Variants in COL4A2 observed in about 807,000 individuals in gnomAD.
The protein encoded by COL4A2 is collagen type IV alpha 2 chain.
COL4A2 carries 99 observed loss-of-function variants against 200.2 expected under a neutral mutation model. That is an observed-to-expected ratio of 0.49 (90% CI 0.42 to 0.58). The LOEUF is 0.58. Ranked by LOEUF, COL4A2 falls within the 20% of genes least tolerant of loss-of-function variation. The pLI is 0.00. For synonymous variants in COL4A2, 897 were observed against 900.6 expected (o/e 1.00, Z 0.07); for missense variants, 1,950 against 2,314.1 (o/e 0.84, Z 3.23).
chr13:110,508,083 C>T lies in COL4A2; in HGVS notation c.4743C>T (p.Asp1581=), dbSNP rs756408223. The part of the protein sequence containing the change: ...APLPMMPVAE[D]EIKPYISRCS... ...TGCCCATGATGCCCGTGGCCGAGGA[C>T]GAGATCAAGCCCTACATCAGCCGCT... Residue 1581 remains aspartate, a synonymous_variant, in exon 47 of 48, where the codon GAC becomes GAT. Transcript: ENST00000360467. The surrounding 1 kb of genome is among the most constrained non-coding windows in gnomAD (Gnocchi z 6.1). 9.9e-6 allele frequency: 16 copies of T among 1,614,252 alleles called. No individual in the cohort carries two copies. The highest frequency in any genetic ancestry group is 6.7e-5 in the Admixed American group (4 of 60,032).
At position 110,512,096 on chromosome 13, in the gene COL4A2, C is replaced by G. The variant is rs374574952; in HGVS notation, c.5044C>G (p.Gln1682Glu). The change falls in exon 48 of 48, where the codon CAG becomes GAG. Residue 1682 changes from glutamine to glutamate, a missense_variant. Gln to Glu is a conservative substitution (Grantham distance 29). This residue lies in a region of COL4A2 where 1,385 missense variants were observed against 1,720.5 expected (regional missense o/e 0.80). Coordinates refer to ENST00000360467, the MANE Select transcript of COL4A2 (RefSeq NM_001846.4). The part of the protein sequence containing the change: ...YSFWLTTIPE[Q>E]SFQGSPSADT... ...CTTCTGGCTGACCACCATTCCCGAG[C>G]AGAGCTTCCAGGGCTCGCCCTCCGC... The G allele has an allele frequency of 6.2e-7, 1 of 1,613,742 alleles. No individual in the cohort carries two copies. Among genetic ancestry groups the G allele is most frequent in the Non-Finnish European group, 8.5e-7 (1 of 1,180,048 alleles).
At position 110,379,874 on chromosome 13, in the gene COL4A2, A is replaced by G. The variant is rs117810330; in HGVS notation, c.180+22322A>G. Among the ~76,000 whole-genome samples the G allele has an allele frequency of 8.5e-3, 1,287 of 152,098 alleles. 14 individuals carry two copies. The highest frequency in any genetic ancestry group is 0.051 in the Middle Eastern group (15 of 294). ...TGCAGCTGAGCTTCCTGGTAGAAGG[A>G]CTTACTTAGCAACCCGCTCCGCCTT... is the stretch of plus-strand genomic sequence containing the variant. On this transcript the variant is annotated intron_variant, in intron 4 of 47. Transcript: ENST00000360467.
Position 110,465,610 on chromosome 13 carries a change from T to G in COL4A2, c.1978+4T>G, listed in dbSNP as rs372577230. The G allele has an allele frequency of 1.9e-6, 3 of 1,602,590 alleles. No individual in the cohort carries two copies. Among genetic ancestry groups the G allele is most frequent in the East Asian group, 2.2e-5 (1 of 44,842 alleles). On this transcript the variant is annotated splice_donor_region_variant and intron_variant, in intron 25 of 47. Coordinates refer to ENST00000360467, the MANE Select transcript of COL4A2 (RefSeq NM_001846.4). ...GCAGGGACCCCAGGACAAATAGGTA[T>G]GAAGGAATCCTCCCTTTTACCTTTC...
At chr13:110,311,821 C>T (rs748457288) in intron 3 of COL4A2, among the ~76,000 whole-genome samples, 7 of 152,196 alleles carry the variant, frequency 4.6e-5, no homozygotes, top group African/African-American at 1.4e-4. Flanking sequence ...CCACAATAGA[C>T]GTGGGTTCAC....
intron 11 of COL4A2, among the ~76,000 whole-genome samples, 186 bp downstream of exon 11, chr13:110,432,546 C>CA (rs1227167729): frequency 1.3e-5 from 2 of 151,486 alleles, no homozygotes; most frequent in South Asian, 2.1e-4. Context: ...TGCCTCTGGA[C>CA]ATTAAAAAAG....
intron 3 of COL4A2, among the ~76,000 whole-genome samples, chr13:110,331,867 A>C (rs1875931120): frequency 6.6e-6 from 1 of 152,088 alleles, no homozygotes; most frequent in African/African-American, 2.4e-5. Context: ...TTCCATACCC[A>C]CTTGGGAACT....
At chr13:110,373,496 A>T (rs377472395) in intron 4 of COL4A2, among the ~76,000 whole-genome samples, 6 of 152,258 alleles carry the variant, frequency 3.9e-5, no homozygotes, top group African/African-American at 1.4e-4. Flanking sequence ...TCAGCTAAAA[A>T]GAAATTTGAA....
In COL4A2 at chr13:110,507,830, C is replaced by G; in HGVS notation, c.4595-105C>G. The stretch of plus-strand genomic sequence containing the variant: ...GTAGGTGGCTAAACTCCACCAGGTG[C>G]CCTGGGGCGAGTCCGTGACACACAG... On this transcript the variant is annotated intron_variant, in intron 46 of 47. Transcript: ENST00000360467. 5 of 1,219,790 alleles carry G rather than the reference C, an allele frequency of 4.1e-6. No homozygotes were observed. The South Asian group carries it at 6.7e-5, about 16-fold the overall frequency. The allele number at this position is 1,219,790 out of a possible 1,614,324, so 75.6% of individuals were successfully genotyped here. A position where few individuals can be genotyped will look rare whatever the true frequency, so the allele number is the denominator to read the frequency against.
intron 3 of COL4A2, among the ~76,000 whole-genome samples, chr13:110,308,894 A>C (rs563705604): frequency 1.7e-4 from 26 of 152,322 alleles, no homozygotes; most frequent in African/African-American, 5.8e-4. Context: ...TGGTAGGTGA[A>C]TTCGGTGCAG....
At chr13:110,466,766 A>T (rs934502856) in intron 26 of COL4A2, among the ~76,000 whole-genome samples, 4 of 152,230 alleles carry the variant, frequency 2.6e-5, no homozygotes, top group African/African-American at 9.6e-5. Flanking sequence ...ACTGCCCTGC[A>T]GGAGGGAATC....
chr13:110,462,188 T>G lies in COL4A2; in HGVS notation c.1669+2T>G. On this transcript the variant is annotated splice_donor_variant, in intron 23 of 47. Transcript: ENST00000360467. LOFTEE classifies it high-confidence loss of function. ...ATTCCAGAACAATCACAACCAAAGG[T>G]GAGTTCCTCTCTGGCCACGCGGCCC... 6.2e-7 allele frequency: 1 copy of G among 1,614,242 alleles called. No individual in the cohort carries two copies. Among genetic ancestry groups the G allele is most frequent in the Non-Finnish European group, 8.5e-7 (1 of 1,180,034 alleles).
chr13:110,406,617 T>G (rs1323974499), intron 4 of COL4A2, among the ~76,000 whole-genome samples: 8 of 138,032 alleles, frequency 5.8e-5, no homozygotes, highest in Middle Eastern at 3.7e-3. Flanking sequence ...GAGTACCTGG[T>G]TTTTTTAGTG....
intron 4 of COL4A2, among the ~76,000 whole-genome samples, chr13:110,418,706 A>G (rs891518872): frequency 2.6e-5 from 4 of 152,112 alleles, no homozygotes; most frequent in African/African-American, 9.6e-5. Flanking sequence ...GGGTGGGACA[A>G]ATGTTTTATA....
At chr13:110,404,470 G>A (rs1879489517) in intron 4 of COL4A2, among the ~76,000 whole-genome samples, 2 of 152,160 alleles carry the variant, frequency 1.3e-5, no homozygotes. Context: ...GCCTGGCAGG[G>A]GGAGGCCAGG....
intron 4 of COL4A2, among the ~76,000 whole-genome samples, chr13:110,417,639 C>G (rs930186090): frequency 2.6e-5 from 4 of 152,310 alleles, no homozygotes; most frequent in South Asian, 2.1e-4. Context: ...CACCTCCAGT[C>G]CTGGCAGCCA....
intron 3 of COL4A2, among the ~76,000 whole-genome samples, chr13:110,308,811 T>G (rs960581168): frequency 7.2e-5 from 11 of 152,172 alleles, no homozygotes; most frequent in Non-Finnish European, 1.3e-4. Context: ...TTTGTCCATT[T>G]TATACGTTTT....
intron 3 of COL4A2, among the ~76,000 whole-genome samples, chr13:110,333,626 G>A (rs1278729674): frequency 2.0e-5 from 3 of 152,180 alleles, no homozygotes; most frequent in Non-Finnish European, 4.4e-5. Flanking sequence ...CTGCACCTGA[G>A]ATGGGAAGAG....
chr13:110,467,207 T>C (rs1444682289), intron 27 of COL4A2, 111 bp downstream of exon 27: 1 of 1,401,968 alleles, frequency 7.1e-7, no homozygotes. Context: ...ACCCCAGACA[T>C]GGTCGTGTCC....
chr13:110,355,287 T>TGTGGGAGAGGGCTGCACTAGCTCACC (rs1877146351), intron 3 of COL4A2, among the ~76,000 whole-genome samples: 1 of 117,214 alleles, frequency 8.5e-6, no homozygotes, highest in African/African-American at 8.5e-5. Flanking sequence ...GCTCACCTGT[T>TGTGGGAGAGGGCTGCACTAGCTCACC]TGTGTGGGGA....
Sources: gnomAD v4.1 joint callset for allele counts (sites outside exome capture counted in the v4.1 genomes callset) on GRCh38, gnomAD v4.1.1 for gene constraint, gnomAD v4.1.1 regional missense constraint, Gnocchi (gnomAD v3.1) non-coding constraint, MANE v1.5 for transcripts, NCBI Gene and HGNC (gene_info 2026-07-23, HGNC 2026-07-21) for gene names.